Variants in NEK1 observed in about 807,000 individuals in gnomAD.
NEK1 encodes the protein NIMA related kinase 1, also known as serine/threonine-protein kinase Nek1.
NEK1 carries 137 observed loss-of-function variants against 182.1 expected under a neutral mutation model. The ratio of observed to expected loss-of-function variants is 0.75; its 90% confidence interval spans 0.65 to 0.87. The LOEUF is 0.87. Among genes scored for constraint, NEK1 ranks in the 40% least tolerant of loss-of-function variants. The probability of loss-of-function intolerance (pLI) is 0.00; values close to 1 mark genes in which losing one functional copy is unlikely to be tolerated. For synonymous variants in NEK1, 513 were observed against 492.2 expected, an observed-to-expected ratio of 1.04 and a Z score of -0.56; for missense variants, 1,391 against 1,494.4, an observed-to-expected ratio of 0.93 and a Z score of 1.14.
intron 18 of NEK1, among the ~76,000 whole-genome samples, chr4:169,544,740 A>G (rs914879918): frequency 1.3e-4 from 19 of 148,994 alleles, no homozygotes; most frequent in African/African-American, 4.4e-4. Context: ...GAATTTATCC[A>G]TTTCTTCAGA....
rs76032116 is a variant in NEK1 at position 169,401,422 on chromosome 4, G to C, written c.3583+230C>G. Among the ~76,000 whole-genome samples, 7,168 of 151,844 alleles carry C rather than the reference G, an allele frequency of 0.047. 595 individuals are homozygous for C. Among genetic ancestry groups the C allele is most frequent in the African/African-American group, 0.16 (6,760 of 41,404 alleles). On this transcript the variant is annotated intron_variant, in intron 33 of 35. Coordinates refer to ENST00000507142, the MANE Select transcript of NEK1 (RefSeq NM_001199397.3). ...AATAAATGGAGATTAGAATAAAAAT[G>C]CTTCAAAAAAGCATTGACATAATAG...
At chr4:169,466,474 A>T (rs2149512403) in intron 26 of NEK1, among the ~76,000 whole-genome samples, 1 of 152,108 alleles carries the variant, frequency 6.6e-6, no homozygotes, top group African/African-American at 2.4e-5. Flanking sequence ...AGACCTCATC[A>T]CAAGTAATGT....
intron 26 of NEK1, among the ~76,000 whole-genome samples, chr4:169,472,890 TAAAC>T (rs1182596376): frequency 1.3e-5 from 2 of 152,144 alleles, no homozygotes; most frequent in Non-Finnish European, 2.9e-5. Context: ...AAATTATACT[TAAAC>T]AAATGAAGAA....
chr4:169,404,453 G>GGCATCGATCCTACGTAACTCA (rs1732232284), intron 32 of NEK1, among the ~76,000 whole-genome samples: 1 of 152,032 alleles, frequency 6.6e-6, no homozygotes, highest in African/African-American at 2.4e-5. Context: ...ATGTGCCAGC[G>GGCATCGATCCTACGTAACTCA]GCATCGATCC....
chr4:169,419,833 A>C (rs899658264), intron 31 of NEK1, among the ~76,000 whole-genome samples: 1 of 152,198 alleles, frequency 6.6e-6, no homozygotes, highest in Non-Finnish European at 1.5e-5. Flanking sequence ...TTGTAATACA[A>C]TGGTAAATAT....
chr4:169,408,412 C>T (rs10084904), intron 31 of NEK1, among the ~76,000 whole-genome samples: 38,055 of 151,882 alleles, frequency 0.25, 4,944 homozygotes, highest in South Asian at 0.34. Flanking sequence ...GCTTTGGAGG[C>T]TTTTTTCCCT....
rs556888081 is a variant in NEK1, at chr4:169,503,274, T to C, written c.2007+3763A>G. 5.9e-5 allele frequency among the ~76,000 whole-genome samples: 9 copies of C among 152,112 alleles called. No individual in the cohort carries two copies. In the South Asian group the frequency reaches 1.2e-3, roughly 21 times the overall value. On this transcript the variant is annotated intron_variant, in intron 23 of 35. Coordinates refer to ENST00000507142, the MANE Select transcript of NEK1 (RefSeq NM_001199397.3). ...CATTTAATGCCCATGGAAGGAGACT[T>C]GGTATCATTAAAATGTCCATACTGC...
intron 16 of NEK1, among the ~76,000 whole-genome samples, chr4:169,560,679 A>G (rs1328368395): frequency 6.6e-6 from 1 of 152,314 alleles, no homozygotes; most frequent in East Asian, 1.9e-4. Flanking sequence ...CTGTATGAAT[A>G]AAAGAGGAAG....
intron 12 of NEK1, among the ~76,000 whole-genome samples, chr4:169,571,179 A>AAAAT (rs56050357): frequency 0.42 from 60,086 of 142,954 alleles, 14,075 homozygotes; most frequent in Middle Eastern, 0.59. Context: ...GATCAATAAA[A>AAAAT]AAATAAATAA....
intron 2 of NEK1, among the ~76,000 whole-genome samples, chr4:169,604,558 CTT>C (rs1771024642): frequency 2.6e-5 from 4 of 152,142 alleles, no homozygotes; most frequent in Admixed American, 2.0e-4. Context: ...TCGTGAAACT[CTT>C]TTTAAATTTC....
intron 27 of NEK1, among the ~76,000 whole-genome samples, chr4:169,451,352 A>T (rs1281888677): frequency 6.6e-6 from 1 of 152,112 alleles, no homozygotes; most frequent in African/African-American, 2.4e-5. Flanking sequence ...AGCACCACAT[A>T]GCCCTTATTC....
rs66858776 is a variant in NEK1 at position 169,508,090 on chromosome 4, T to A, written c.1833+158A>T. 0.19 allele frequency among the ~76,000 whole-genome samples: 29,335 copies of A among 152,126 alleles called. 4,247 individuals carry two copies. The highest frequency in any genetic ancestry group is 0.41 in the African/African-American group (16,983 of 41,440). ...GGTCTTATCAATTTAAAATCACATA[T>A]ATAAGATTTACTTTATGTGTAGTTT... On this transcript the variant is annotated intron_variant, in intron 21 of 35. Coordinates refer to ENST00000507142, the MANE Select transcript of NEK1 (RefSeq NM_001199397.3).
At chr4:169,447,436 G>C (rs865787771) in intron 27 of NEK1, among the ~76,000 whole-genome samples, 3 of 152,044 alleles carry the variant, frequency 2.0e-5, no homozygotes, top group African/African-American at 7.2e-5. Context: ...TGAAAGAATA[G>C]GACAATAATG....
chr4:169,458,588 C>G (rs774858436), intron 27 of NEK1, among the ~76,000 whole-genome samples: 5 of 151,958 alleles, frequency 3.3e-5, no homozygotes, highest in Non-Finnish European at 2.9e-5. Context: ...ATTAGCCAGG[C>G]ACAATGATGC....
At chr4:169,428,908 G>T (rs1038013171) in intron 29 of NEK1, among the ~76,000 whole-genome samples, 2 of 152,030 alleles carry the variant, frequency 1.3e-5, no homozygotes, top group Non-Finnish European at 2.9e-5. Context: ...CAATGTTTTA[G>T]ACATCTTTCC....
intron 31 of NEK1, 37 bp downstream of exon 31, chr4:169,424,516 G>A (rs564164337): frequency 1.8e-5 from 28 of 1,519,926 alleles, no homozygotes; most frequent in African/African-American, 2.8e-5. Flanking sequence ...ACATGTTATC[G>A]AATGGATAAT....
rs1205834635 is a variant in NEK1 at position 169,453,830 on chromosome 4, AGACCCCT to A, written c.2587+9406_2587+9412del. Among the ~76,000 whole-genome samples, 3 of 152,314 alleles carry A rather than the reference AGACCCCT, an allele frequency of 2.0e-5. No homozygotes were observed. In the East Asian group the frequency reaches 5.8e-4, roughly 29 times the overall value. On this transcript the variant is annotated intron_variant, in intron 27 of 35. Coordinates refer to ENST00000507142, the MANE Select transcript of NEK1 (RefSeq NM_001199397.3). The stretch of plus-strand genomic sequence containing the variant: ...GGGGCTCTCAGCTCTGAAAGCTGTG[AGACCCCT>A]GATTTCCCACTTCACACCTCTATAT...
chr4:169,553,324 T>G (rs1334821248), intron 18 of NEK1, among the ~76,000 whole-genome samples: 1 of 152,144 alleles, frequency 6.6e-6, no homozygotes, highest in Non-Finnish European at 1.5e-5. Flanking sequence ...AAAATGAATC[T>G]AGACACAGAC....
At chr4:169,456,081 C>CA (rs1742827750) in intron 27 of NEK1, among the ~76,000 whole-genome samples, 1 of 152,070 alleles carries the variant, frequency 6.6e-6, no homozygotes, top group Non-Finnish European at 1.5e-5. Context: ...ACTATACAAA[C>CA]ACATGGAAAT....
Sources: gnomAD v4.1 joint callset for allele counts (sites outside exome capture counted in the v4.1 genomes callset) on GRCh38, gnomAD v4.1.1 for gene constraint, MANE v1.5 for transcripts, NCBI Gene and HGNC (gene_info 2026-07-23, HGNC 2026-07-21) for gene names.